DOCK10: variants seen among roughly 807,000 people sequenced by gnomAD.
DOCK10 encodes the protein dedicator of cytokinesis 10.
DOCK10 carries 145 observed loss-of-function variants against 280.1 expected under a neutral mutation model. That is an observed-to-expected ratio of 0.52 (90% CI 0.45 to 0.59). The LOEUF is 0.59. DOCK10 is among the 20% of genes least tolerant of loss of function. The pLI, the probability that DOCK10 is intolerant of heterozygous loss-of-function variation, is 0.00. For synonymous variants in DOCK10, 915 were observed against 942.2 expected (o/e 0.97, Z 0.53); for missense variants, 2,368 against 2,651.7 (o/e 0.89, Z 2.35).
chr2:225,042,289 G>A lies in DOCK10; in HGVS notation c.86C>T (p.Ala29Val). The change falls in exon 1 of 56, where the codon GCC becomes GTC. Residue 29 changes from alanine (A) to valine (V), a missense_variant. Ala to Val is a moderately conservative substitution (Grantham distance 64). This residue lies in a region of DOCK10 where 1,209 missense variants were observed against 1,250.9 expected (regional missense o/e 0.97). Coordinates refer to ENST00000258390, the MANE Select transcript of DOCK10 (RefSeq NM_014689.3). The surrounding 1 kb of genome is among the most constrained non-coding windows in gnomAD (Gnocchi z 5.1). ...CCGGCTGCTGACTGCCACCGCGGCG[G>A]CGGACGCGGCGCTGTGCCGGAGCTC... ...AAELRHSAASAAAVAVSSRQQ... is the reference protein window; with the variant it reads ...AAELRHSAASVAAVAVSSRQQ... 1 of 1,342,762 alleles carries A rather than the reference G, an allele frequency of 7.4e-7. No individual in the cohort carries two copies. Among genetic ancestry groups the A allele is most frequent in the South Asian group, 1.9e-5 (1 of 52,952 alleles). The allele number at this position is 1,342,762 out of a possible 1,614,324, so 83.2% of individuals were successfully genotyped here. A position where few individuals can be genotyped will look rare whatever the true frequency, so the allele number is the denominator to read the frequency against.
chr2:225,014,429 TAA>T (rs955043781), intron 1 of DOCK10, among the ~76,000 whole-genome samples: 1 of 152,076 alleles, frequency 6.6e-6, no homozygotes, highest in African/African-American at 2.4e-5. Flanking sequence ...TATAATATAC[TAA>T]GATATGATAA....
intron 1 of DOCK10, among the ~76,000 whole-genome samples, chr2:224,999,452 TCC>T (rs1706366175): frequency 7.5e-6 from 1 of 133,562 alleles, no homozygotes; most frequent in African/African-American, 3.3e-5. Context: ...CTTTCTTCCC[TCC>T]CTCCCTTCCT....
Position 224,819,542 on chromosome 2 carries a change from A to C in DOCK10, c.3184-13T>G. The C allele has an allele frequency of 6.5e-7, 1 of 1,548,816 alleles. No homozygotes were observed. Among genetic ancestry groups the C allele is most frequent in the Non-Finnish European group, 8.8e-7 (1 of 1,142,486 alleles). On this transcript the variant is annotated splice_polypyrimidine_tract_variant and intron_variant, in intron 28 of 55. Transcript: ENST00000258390. Reference sequence around the variant, plus strand: ...ATGTAAAGCAGCGCTAAAATAGATAAAATTCTAAATTTAAACACTTTTACT... The same window carrying C: ...ATGTAAAGCAGCGCTAAAATAGATACAATTCTAAATTTAAACACTTTTACT...
intron 7 of DOCK10, among the ~76,000 whole-genome samples, chr2:224,881,954 A>T (rs1699003667): frequency 6.6e-6 from 1 of 152,148 alleles, no homozygotes; most frequent in African/African-American, 2.4e-5. Flanking sequence ...TGCTTGACCT[A>T]CAGGAGGTAT....
intron 55 of DOCK10, chr2:224,768,980 CAA>C (rs1690238376): frequency 2.2e-6 from 1 of 454,156 alleles, no homozygotes; most frequent in South Asian, 1.6e-5. Flanking sequence ...CATTTTTGTC[CAA>C]AGTTTCTAGG....
At chr2:224,818,617 C>T (rs375797697) in intron 29 of DOCK10, among the ~76,000 whole-genome samples, 4 of 152,100 alleles carry the variant, frequency 2.6e-5, no homozygotes, top group African/African-American at 9.7e-5. Flanking sequence ...CCAGGATGGT[C>T]TCGATTTCCT....
intron 1 of DOCK10, among the ~76,000 whole-genome samples, chr2:224,944,111 G>A (rs1328242120): frequency 2.0e-5 from 3 of 152,162 alleles, no homozygotes; most frequent in Admixed American, 6.5e-5. Flanking sequence ...ACGGTACAAT[G>A]AGGCTGTGAG....
At chr2:224,813,073 G>A (rs1032496201) in intron 31 of DOCK10, among the ~76,000 whole-genome samples, 1 of 152,098 alleles carries the variant, frequency 6.6e-6, no homozygotes, top group African/African-American at 2.4e-5. Flanking sequence ...TAAGTGAGTA[G>A]GCCTTAATTG....
At position 224,795,479 on chromosome 2, in the gene DOCK10, A is replaced by G. The variant is rs76750254; in HGVS notation, c.4939-385T>C. 5.7e-3 allele frequency among the ~76,000 whole-genome samples: 874 copies of G among 152,306 alleles called. 6 individuals carry two copies. Among genetic ancestry groups the G allele is most frequent in the African/African-American group, 0.02 (815 of 41,570 alleles). On this transcript the variant is annotated intron_variant, in intron 44 of 55. Transcript: ENST00000258390. ...TTTTTTGATCCTCCAAGCTACAGTG[A>G]TTGGTTTAGGGATAAGCATATTATT...
intron 47 of DOCK10, among the ~76,000 whole-genome samples, chr2:224,791,445 C>CT (rs1262187764): frequency 6.6e-6 from 1 of 151,274 alleles, no homozygotes; most frequent in Non-Finnish European, 1.5e-5. Context: ...TCTCAGTTTG[C>CT]TTTGGTCATT....
At chr2:224,948,552 A>G (rs1291941630) in intron 1 of DOCK10, among the ~76,000 whole-genome samples, 2 of 152,186 alleles carry the variant, frequency 1.3e-5, no homozygotes, top group African/African-American at 2.4e-5. Flanking sequence ...TTTTCCTTAT[A>G]TGGTGTGATG....
intron 3 of DOCK10, among the ~76,000 whole-genome samples, chr2:224,904,249 T>A (rs983813518): frequency 6.6e-6 from 1 of 152,090 alleles, no homozygotes; most frequent in Non-Finnish European, 1.5e-5. Context: ...AATAAAAAGT[T>A]CCTTAACTTC....
intron 15 of DOCK10, among the ~76,000 whole-genome samples, chr2:224,855,573 C>T (rs1289300476): frequency 1.3e-5 from 2 of 152,108 alleles, no homozygotes; most frequent in Non-Finnish European, 2.9e-5. Context: ...ATAGTGTATG[C>T]GGACACCCCT....
intron 1 of DOCK10, among the ~76,000 whole-genome samples, chr2:224,947,222 G>A (rs982861602): frequency 1.3e-5 from 2 of 152,162 alleles, no homozygotes; most frequent in Non-Finnish European, 2.9e-5. Context: ...GACTTTGGAC[G>A]TTTAAGAGAA....
At chr2:224,993,050 A>T (rs1457885380) in intron 1 of DOCK10, among the ~76,000 whole-genome samples, 1 of 152,166 alleles carries the variant, frequency 6.6e-6, no homozygotes, top group African/African-American at 2.4e-5. Context: ...AATGAGGTGT[A>T]AGAGGAAAGA....
intron 50 of DOCK10, among the ~76,000 whole-genome samples, chr2:224,781,962 G>C (rs767408211): frequency 4.6e-4 from 70 of 152,068 alleles, no homozygotes; most frequent in Non-Finnish European, 7.9e-4. Flanking sequence ...AGTTCACAAA[G>C]AGAAGAATGT....
intron 5 of DOCK10, 74 bp from the exon 6 acceptor site, chr2:224,886,259 A>C (rs1294704894): frequency 6.3e-7 from 1 of 1,584,302 alleles, no homozygotes; most frequent in African/African-American, 1.4e-5. Flanking sequence ...TTTAAAAAAG[A>C]GACTCCTCTT....
At position 224,864,985 on chromosome 2, in the gene DOCK10, T is replaced by C. The variant is rs749855361; in HGVS notation, c.1360A>G (p.Met454Val). The C allele has an allele frequency of 1.9e-6, 3 of 1,613,982 alleles. No homozygotes were observed. In the South Asian group the frequency reaches 3.3e-5, roughly 18 times the overall value. The change falls in exon 12 of 56, where the codon ATG (methionine) becomes GTG (valine). Residue 454 changes from methionine to valine, a missense_variant. This residue lies in a region of DOCK10 where 1,209 missense variants were observed against 1,250.9 expected (regional missense o/e 0.97). Coordinates refer to ENST00000258390, the MANE Select transcript of DOCK10 (RefSeq NM_014689.3). Reference protein sequence around the residue: ...VDLNHAAVRQMLLGASVALEN... With the variant: ...VDLNHAAVRQVLLGASVALEN... Reference sequence around the variant, plus strand: ...AAAGCCACAGAAGCCCCCAAGAGCATCTGTCTGACAGCAGCATGGTTTAGA... The same window carrying C: ...AAAGCCACAGAAGCCCCCAAGAGCACCTGTCTGACAGCAGCATGGTTTAGA...
chr2:224,885,080 A>G (rs188845198), intron 7 of DOCK10, among the ~76,000 whole-genome samples: 195 of 152,092 alleles, frequency 1.3e-3, no homozygotes, highest in African/African-American at 4.5e-3. Context: ...GCTCACTGCA[A>G]CCTCCGCCTC....
Sources: gnomAD v4.1 joint callset for allele counts (sites outside exome capture counted in the v4.1 genomes callset) on GRCh38, gnomAD v4.1.1 for gene constraint, gnomAD v4.1.1 regional missense constraint, Gnocchi (gnomAD v3.1) non-coding constraint, MANE v1.5 for transcripts, NCBI Gene and HGNC (gene_info 2026-07-23, HGNC 2026-07-21) for gene names.